Variants in LAT observed in about 807,000 individuals in gnomAD.
The protein encoded by LAT is linker for activation of T-cells family member 1.
A neutral mutation model predicts 39.1 loss-of-function variants in LAT; 12 were observed. The ratio of observed to expected loss-of-function variants is 0.31; its 90% CI spans 0.20 to 0.50. The LOEUF (loss-of-function observed/expected upper bound fraction) is 0.50. LAT is among the 20% of genes least tolerant of loss of function. LAT has a pLI of 0.98. For missense variants in LAT, 253 were observed against 308.0 expected (o/e 0.82, Z 1.34); for synonymous variants, 117 against 123.8 (o/e 0.95, Z 0.36).
Position 28,985,135 on chromosome 16 carries a change from G to A in LAT, c.-283G>A. 7.0e-7 allele frequency: 1 copy of A among 1,427,522 alleles called. No homozygotes were observed. Among genetic ancestry groups the A allele is most frequent in the Non-Finnish European group, 9.1e-7 (1 of 1,095,860 alleles). The allele number at this position is 1,427,522 out of a possible 1,614,324, so 88.4% of individuals were successfully genotyped here. ...GGGCAGGTAGGGCTGGGACGCAGGG[G>A]TAACTGGATCCCCCGACTTCAGCCC... On this transcript the variant is annotated 5_prime_UTR_variant, in exon 1 of 12. Coordinates refer to ENST00000395456, the MANE Select transcript of LAT (RefSeq NM_001014987.2). This position sits in a 1 kb window ranked among gnomAD's most constrained non-coding sequence, Gnocchi z 4.6.
Position 28,986,588 on chromosome 16 carries a change from G to A in LAT, c.340+19G>A, listed in dbSNP as rs760482047. 2.5e-6 allele frequency: 4 copies of A among 1,613,598 alleles called. No individual in the cohort carries two copies. The South Asian group carries it at 3.3e-5, about 13-fold the overall frequency. ...AACGAGGGTGCGTCTGGGATCCGAG[G>A]TGCCCAGGCTGGGTGGGGAGTCTGG... is the stretch of plus-strand genomic sequence containing the variant. On this transcript the variant is annotated intron_variant, in intron 6 of 11. Coordinates refer to ENST00000395456, the MANE Select transcript of LAT (RefSeq NM_001014987.2). The surrounding 1 kb of genome is among the most constrained non-coding windows in gnomAD (Gnocchi z 5.7).
At position 28,985,890 on chromosome 16, in the gene LAT, T is replaced by A; in HGVS notation, c.163+2T>A. 6.2e-7 allele frequency: 1 copy of A among 1,613,978 alleles called. No individual in the cohort carries two copies. The highest frequency in any genetic ancestry group is 8.5e-7 in the Non-Finnish European group (1 of 1,179,934). Reference sequence around the variant, plus strand: ...GGGGCATCCAGTTCAAACGGCCTCGTGAGTACAAGGAGGGTCCCCTACCTT... The same window carrying A: ...GGGGCATCCAGTTCAAACGGCCTCGAGAGTACAAGGAGGGTCCCCTACCTT... On this transcript the variant is annotated splice_donor_variant, in intron 3 of 11. Transcript: ENST00000395456. LOFTEE classifies it high-confidence loss of function. The surrounding 1 kb of genome is among the most constrained non-coding windows in gnomAD (Gnocchi z 4.6).
chr16:28,989,608 T>C lies in LAT; in HGVS notation c.556+19T>C. On this transcript the variant is annotated intron_variant, in intron 9 of 11. Transcript: ENST00000395456. ...TCTCTGGGTGAGTGACCGGTGCTTG[T>C]CGGTGCCTGCCCCTGCACCCCGCTG... 6.2e-7 allele frequency: 1 copy of C among 1,604,216 alleles called. No individual in the cohort carries two copies. The highest frequency in any genetic ancestry group is 8.5e-7 in the Non-Finnish European group (1 of 1,174,714).
Position 28,985,713 on chromosome 16 carries a change from G to A in LAT, c.101G>A (p.Gly34Asp), listed in dbSNP as rs1008809149. ...ALCVHCHRLP[G>D]SYDSTSSDSL... The stretch of plus-strand genomic sequence containing the variant: ...GCCTCACCAGCCCTCTCTTTCCCAG[G>A]CTCCTACGACAGCACATCCTCAGAT... Residue 34 changes from glycine (G) to aspartate (D), a missense_variant and splice_region_variant, in exon 2 of 12, where the codon GGC becomes GAC. Gly to Asp is a moderately conservative substitution (Grantham distance 94, BLOSUM62 -1). Coordinates refer to ENST00000395456, the MANE Select transcript of LAT (RefSeq NM_001014987.2). The surrounding 1 kb of genome is among the most constrained non-coding windows in gnomAD (Gnocchi z 4.6). The A allele has an allele frequency of 6.2e-7, 1 of 1,613,772 alleles. No individual in the cohort carries two copies. Among genetic ancestry groups the A allele is most frequent in the Non-Finnish European group, 8.5e-7 (1 of 1,179,926 alleles).
In LAT at chr16:28,986,880, C is replaced by T. The variant is rs762024259; in HGVS notation, c.480C>T (p.Asp160=). Residue 160 remains aspartate (D), a synonymous_variant, in exon 8 of 12, where the codon GAC becomes GAT. Transcript: ENST00000395456. The surrounding 1 kb of genome is among the most constrained non-coding windows in gnomAD (Gnocchi z 5.7). Reference sequence around the variant, plus strand: ...CACTCAGCACCCCTGGCATCCGAGACAGTGCCTTCTCCAGTGAGTCAGGCA... The same window carrying T: ...CACTCAGCACCCCTGGCATCCGAGATAGTGCCTTCTCCAGTGAGTCAGGCA... ...APALSTPGIR[D]SAFSMESIDD... 3.7e-6 allele frequency: 6 copies of T among 1,613,996 alleles called. No homozygotes were observed. In the Admixed American group the frequency reaches 1.0e-4, roughly 27 times the overall value.
chr16:28,985,128 C>T lies in LAT; in HGVS notation c.-290C>T, dbSNP rs1965712537. On this transcript the variant is annotated 5_prime_UTR_variant, in exon 1 of 12. The change creates a new upstream start codon in the 5' untranslated region. Transcript: ENST00000395456. The surrounding 1 kb of genome is among the most constrained non-coding windows in gnomAD (Gnocchi z 4.6). ...CGAGGAGGGGCAGGTAGGGCTGGGA[C>T]GCAGGGGTAACTGGATCCCCCGACT... 10 of 1,427,694 alleles carry T rather than the reference C, an allele frequency of 7.0e-6. No homozygotes were observed. Among genetic ancestry groups the T allele is most frequent in the African/African-American group, 1.4e-5 (1 of 69,150 alleles). The allele number at this position is 1,427,694 out of a possible 1,614,324, so 88.4% of individuals were successfully genotyped here. A position where few individuals can be genotyped will look rare whatever the true frequency, so the allele number is the denominator to read the frequency against.
In LAT at chr16:28,986,146, C is replaced by G. The variant is rs747700060; in HGVS notation, c.175C>G (p.Pro59Ala). The change falls in exon 4 of 12, where the codon CCC becomes GCC. Residue 59 changes from proline to alanine, a missense_variant. By Grantham distance (27) the Pro-to-Ala change is conservative. Transcript: ENST00000395456. This position sits in a 1 kb window ranked among gnomAD's most constrained non-coding sequence, Gnocchi z 5.7. ...IQFKRPHTVA[P>A]WPPAYPPVTS... ...TTCTGTGTCCTCAGACACGGTTGCC[C>G]CCTGGCCACCTGCCTACCCACCTGT... 72 of 1,597,776 alleles carry G rather than the reference C, an allele frequency of 4.5e-5. 1 individual carries two copies. Among genetic ancestry groups the G allele is most frequent in the Admixed American group, 3.5e-4 (20 of 57,722 alleles).
intron 8 of LAT, chr16:28,988,492 C>T (rs1481881473): frequency 6.6e-6 from 1 of 152,304 alleles, no homozygotes; most frequent in Non-Finnish European, 1.5e-5. Flanking sequence ...GGGGGGATCA[C>T]CTGAGGTCAG....
Position 28,990,527 on chromosome 16 carries a change from A to G in LAT, c.*346A>G, listed in dbSNP as rs140347378. The G allele has an allele frequency of 9.2e-5, 26 of 281,192 alleles. No individual in the cohort carries two copies. The highest frequency in any genetic ancestry group is 5.2e-4 in the African/African-American group (23 of 44,146). The allele number at this position is 281,192 out of a possible 1,614,324, so 17.4% of individuals were successfully genotyped here. On this transcript the variant is annotated 3_prime_UTR_variant, in exon 12 of 12. Coordinates refer to ENST00000395456, the MANE Select transcript of LAT (RefSeq NM_001014987.2). ...GAGATGTCTCTGTGTGTTTGTGTGT[A>G]TCTGTGGGTCTCCATCCTCCATGGG...
In LAT at chr16:28,985,835, G is replaced by A. The variant is rs373895074; in HGVS notation, c.129-19G>A. On this transcript the variant is annotated intron_variant, in intron 2 of 11. Coordinates refer to ENST00000395456, the MANE Select transcript of LAT (RefSeq NM_001014987.2). This position sits in a 1 kb window ranked among gnomAD's most constrained non-coding sequence, Gnocchi z 4.6. ...CTCCATCTTCCAGCCCCATCCCCAA[G>A]CTGTGTCTCCTTTACCAGTTTGTAT... 4 of 1,614,048 alleles carry A rather than the reference G, an allele frequency of 2.5e-6. No homozygotes were observed. In the Admixed American group the frequency reaches 6.7e-5, roughly 27 times the overall value.
Position 28,986,832 on chromosome 16 carries a change from C to T in LAT, c.432C>T (p.Ser144=), listed in dbSNP as rs1965772395. 6.8e-6 allele frequency: 11 copies of T among 1,614,026 alleles called. No homozygotes were observed. The highest frequency in any genetic ancestry group is 8.5e-6 in the Non-Finnish European group (10 of 1,180,022). ...TTCCTGACAGCACCCCGGCCACTAG[C>T]ACTGCTGCCCCATCAGCTCCTGCAC... is the stretch of plus-strand genomic sequence containing the variant. ...VVLPDSTPAT[S]TAAPSAPALS... The change falls in exon 8 of 12, where the codon AGC becomes AGT. Residue 144 remains serine (S), a synonymous_variant. Transcript: ENST00000395456. The surrounding 1 kb of genome is among the most constrained non-coding windows in gnomAD (Gnocchi z 5.7).
Position 28,986,551 on chromosome 16 carries a change from G to C in LAT, c.322G>C (p.Ala108Pro). ...CCCTCTCTTTGAAGCCAACAGTGTG[G>C]CGAGCTACGAGAACGAGGGTGCGTC... ...RRDSDGANSV[A>P]SYENEEPACE... Residue 108 changes from alanine to proline, a missense_variant, in exon 6 of 12, where the codon GCG (alanine) becomes CCG (proline). Physicochemically the swap from Ala to Pro is conservative, Grantham distance 27. Coordinates refer to ENST00000395456, the MANE Select transcript of LAT (RefSeq NM_001014987.2). The surrounding 1 kb of genome is among the most constrained non-coding windows in gnomAD (Gnocchi z 5.7). 3 of 1,612,366 alleles carry C rather than the reference G, an allele frequency of 1.9e-6. No individual in the cohort carries two copies. Among genetic ancestry groups the C allele is most frequent in the Non-Finnish European group, 2.5e-6 (3 of 1,178,810 alleles).
rs748200927 is a variant in LAT at position 28,986,441 on chromosome 16, ATGG to A, written c.310_310+2del. ...ACGCCATCTTCCCGGCGGGATTCTG[ATGG>A]TGGTAAGTGTGGGGAAGGGTTCAGG... On this transcript the variant is annotated inframe_deletion and splice_region_variant, in exon 5 of 12. Transcript: ENST00000395456. This position sits in a 1 kb window ranked among gnomAD's most constrained non-coding sequence, Gnocchi z 5.7. The A allele has an allele frequency of 6.2e-7, 1 of 1,613,712 alleles. No homozygotes were observed. Among genetic ancestry groups the A allele is most frequent in the Non-Finnish European group, 8.5e-7 (1 of 1,179,976 alleles).
intron 8 of LAT, chr16:28,987,527 C>T (rs1304887099): frequency 6.5e-6 from 1 of 152,834 alleles, no homozygotes; most frequent in Non-Finnish European, 1.5e-5. Context: ...CTCATCCTGC[C>T]TGGTCACATC....
chr16:28,986,474 G>A lies in LAT; in HGVS notation c.310+28G>A, dbSNP rs201445944. 97 of 1,613,530 alleles carry A rather than the reference G, an allele frequency of 6.0e-5. No individual in the cohort carries two copies. In the East Asian group the frequency reaches 1.6e-3, roughly 27 times the overall value. On this transcript the variant is annotated intron_variant, in intron 5 of 11. Coordinates refer to ENST00000395456, the MANE Select transcript of LAT (RefSeq NM_001014987.2). This position sits in a 1 kb window ranked among gnomAD's most constrained non-coding sequence, Gnocchi z 5.7. ...AAGTGTGGGGAAGGGTTCAGGCGGC[G>A]GGGGCTGGGAAGAAGATAGGCCTGG...
intron 8 of LAT, among the ~76,000 whole-genome samples, chr16:28,987,342 C>T (rs1270233819): frequency 6.6e-6 from 1 of 152,164 alleles, no homozygotes; most frequent in African/African-American, 2.4e-5. Flanking sequence ...TATCCAGAAG[C>T]TCTTTCTCGT....
At position 28,990,585 on chromosome 16, in the gene LAT, G is replaced by A; in HGVS notation, c.*404G>A. On this transcript the variant is annotated 3_prime_UTR_variant, in exon 12 of 12. Coordinates refer to ENST00000395456, the MANE Select transcript of LAT (RefSeq NM_001014987.2). ...CCAGGTGCTGTGACACCCCCCTTCT[G>A]AATGAAGCCTTCTGACCTGGGCTGG... The A allele has an allele frequency of 4.1e-6, 1 of 244,920 alleles. No individual in the cohort carries two copies. The highest frequency in any genetic ancestry group is 8.1e-6 in the Non-Finnish European group (1 of 123,572). 15.2% of individuals were successfully genotyped at this position (244,920 alleles called of 1,614,324 possible).
rs1965712211 is a variant in LAT, at chr16:28,985,116, G to A, written c.-302G>A. 4.2e-6 allele frequency: 6 copies of A among 1,428,314 alleles called. No homozygotes were observed. Among genetic ancestry groups the A allele is most frequent in the East Asian group, 2.6e-5 (1 of 39,070 alleles). 88.5% of individuals were successfully genotyped at this position (1,428,314 alleles called of 1,614,324 possible). On this transcript the variant is annotated 5_prime_UTR_variant, in exon 1 of 12. Transcript: ENST00000395456. The surrounding 1 kb of genome is among the most constrained non-coding windows in gnomAD (Gnocchi z 4.6). ...AGAGGCGGGCGCCGAGGAGGGGCAG[G>A]TAGGGCTGGGACGCAGGGGTAACTG...
At chr16:28,989,644 C>T in intron 9 of LAT, 55 bp downstream of exon 9, 1 of 1,586,618 alleles carries the variant, frequency 6.3e-7, no homozygotes, top group Middle Eastern at 1.8e-4. Flanking sequence ...CCCCACCATG[C>T]TCTCAGTGTG....
Sources: gnomAD v4.1 joint callset for allele counts (sites outside exome capture counted in the v4.1 genomes callset) on GRCh38, gnomAD v4.1.1 for gene constraint, Gnocchi (gnomAD v3.1) non-coding constraint, MANE v1.5 for transcripts, NCBI Gene and HGNC (gene_info 2026-07-23, HGNC 2026-07-21) for gene names.